Variants in WWOX observed in about 807,000 individuals in gnomAD.
The protein encoded by WWOX is WW domain containing oxidoreductase, also known as WW domain-containing oxidoreductase.
WWOX carries 69 observed loss-of-function variants against 46.2 expected under a neutral mutation model. The ratio of observed to expected loss-of-function variants is 1.49; its 90% CI spans 1.23 to 1.82. WWOX has a LOEUF of 1.82. Among genes scored for constraint, WWOX ranks in the 40% most tolerant of loss-of-function variants. The probability of loss-of-function intolerance (pLI) is 0.00; values close to 1 mark genes in which losing one functional copy is unlikely to be tolerated. For synonymous variants in WWOX, 359 were observed against 202.6 expected (o/e 1.77, Z -6.56); for missense variants, 919 against 542.6 (o/e 1.69, Z -6.89).
At chr16:78,408,156 A>C (rs932487684) in intron 6 of WWOX, among the ~76,000 whole-genome samples, 1 of 152,136 alleles carries the variant, frequency 6.6e-6, no homozygotes, top group African/African-American at 2.4e-5. Context: ...CTACAAGTTA[A>C]ATCCTCGGAC....
intron 4 of WWOX, among the ~76,000 whole-genome samples, chr16:78,162,903 C>T (rs2151734137): frequency 6.6e-6 from 1 of 152,052 alleles, no homozygotes; most frequent in South Asian, 2.1e-4. Flanking sequence ...ATGCTGAATT[C>T]TTCTTTACTC....
intron 8 of WWOX, among the ~76,000 whole-genome samples, chr16:78,690,059 C>T (rs2047950381): frequency 6.6e-6 from 1 of 152,058 alleles, no homozygotes; most frequent in Non-Finnish European, 1.5e-5. Flanking sequence ...TGCGGTTTCA[C>T]CATGTTGACC....
intron 8 of WWOX, among the ~76,000 whole-genome samples, chr16:78,615,914 C>T (rs2046012865): frequency 6.6e-6 from 1 of 152,014 alleles, no homozygotes; most frequent in Non-Finnish European, 1.5e-5. Flanking sequence ...CCACACTCAG[C>T]TAATTTTTTG....
At chr16:78,236,043 G>A (rs879418810) in intron 5 of WWOX, among the ~76,000 whole-genome samples, 1 of 152,170 alleles carries the variant, frequency 6.6e-6, no homozygotes, top group Non-Finnish European at 1.5e-5. Context: ...ATAAATGGAC[G>A]GATGTGTTCC....
At chr16:78,455,972 A>G (rs1360868153) in intron 8 of WWOX, among the ~76,000 whole-genome samples, 2 of 152,236 alleles carry the variant, frequency 1.3e-5, no homozygotes, top group African/African-American at 2.4e-5. Flanking sequence ...GGCAGTGGCT[A>G]TAGGCCAGGA....
intron 3 of WWOX, among the ~76,000 whole-genome samples, chr16:78,114,284 G>T (rs1274283141): frequency 6.6e-6 from 1 of 152,064 alleles, no homozygotes; most frequent in Non-Finnish European, 1.5e-5. Context: ...AGTGTTTGTA[G>T]AGATGAGGTC....
chr16:78,771,006 A>T (rs1030362268), intron 8 of WWOX, among the ~76,000 whole-genome samples: 6 of 152,200 alleles, frequency 3.9e-5, no homozygotes, highest in East Asian at 1.9e-4. Context: ...GAAGGAAGGG[A>T]TTGCTGGAGG....
intron 5 of WWOX, among the ~76,000 whole-genome samples, chr16:78,357,300 G>A (rs2081316341): frequency 1.3e-5 from 2 of 152,162 alleles, no homozygotes; most frequent in South Asian, 2.1e-4. Context: ...ACCTGACTTT[G>A]GGAATAGCAT....
intron 8 of WWOX, among the ~76,000 whole-genome samples, chr16:78,701,582 C>T (rs1035698323): frequency 6.6e-6 from 1 of 152,020 alleles, no homozygotes; most frequent in Non-Finnish European, 1.5e-5. Context: ...ATATACTCAA[C>T]ATATATCTCC....
At chr16:78,518,391 T>C (rs917351655) in intron 8 of WWOX, among the ~76,000 whole-genome samples, 2 of 152,032 alleles carry the variant, frequency 1.3e-5, no homozygotes, top group African/African-American at 4.8e-5. Flanking sequence ...GGCTAATTTT[T>C]GTATTTTATA....
chr16:78,996,569 A>T (rs2151356414), intron 8 of WWOX, among the ~76,000 whole-genome samples: 1 of 152,142 alleles, frequency 6.6e-6, no homozygotes, highest in East Asian at 1.9e-4. Context: ...AGAAGAGAAA[A>T]TTACAGTGAG....
intron 6 of WWOX, among the ~76,000 whole-genome samples, chr16:78,410,490 A>G (rs1391463173): frequency 6.6e-6 from 1 of 152,030 alleles, no homozygotes; most frequent in Non-Finnish European, 1.5e-5. Context: ...TTTCTGGCTC[A>G]GGGTCTTTCT....
chr16:78,150,724 T>A (rs1015322248), intron 4 of WWOX, among the ~76,000 whole-genome samples: 3 of 152,210 alleles, frequency 2.0e-5, no homozygotes, highest in Admixed American at 6.5e-5. Flanking sequence ...TAGGCATGAT[T>A]ACTTAAATCA....
chr16:78,856,706 A>C (rs1384960980), intron 8 of WWOX, among the ~76,000 whole-genome samples: 1 of 152,224 alleles, frequency 6.6e-6, no homozygotes, highest in Non-Finnish European at 1.5e-5. Flanking sequence ...ATAATTCAGT[A>C]CTTTAAAAAA....
At chr16:78,686,845 C>G (rs751092105) in intron 8 of WWOX, among the ~76,000 whole-genome samples, 1 of 152,182 alleles carries the variant, frequency 6.6e-6, no homozygotes, top group Non-Finnish European at 1.5e-5. Context: ...GTTTTCGAAA[C>G]TCACCCAGGA....
intron 8 of WWOX, among the ~76,000 whole-genome samples, chr16:78,956,258 G>C (rs944287591): frequency 6.6e-6 from 1 of 152,148 alleles, no homozygotes; most frequent in Admixed American, 6.5e-5. Context: ...CAATTCTGCT[G>C]CCTCAGCCTC....
At chr16:78,494,570 C>A (rs1597163220) in intron 8 of WWOX, among the ~76,000 whole-genome samples, 1 of 152,178 alleles carries the variant, frequency 6.6e-6, no homozygotes, top group Non-Finnish European at 1.5e-5. Context: ...AGGCAACATT[C>A]CAAAGATCTT....
intron 8 of WWOX, among the ~76,000 whole-genome samples, chr16:78,815,774 C>G (rs74031955): frequency 3.3e-5 from 5 of 152,344 alleles, no homozygotes; most frequent in African/African-American, 9.6e-5. Context: ...CAGTTGTACG[C>G]AGACCTCTCT....
intron 8 of WWOX, among the ~76,000 whole-genome samples, chr16:78,763,581 AT>A (rs2049847552): frequency 6.6e-6 from 1 of 152,152 alleles, no homozygotes; most frequent in Admixed American, 6.5e-5. Flanking sequence ...TTCTTAAGGT[AT>A]TTTTCACTGC....
Sources: allele counts gnomAD v4.1 joint callset (sites outside exome capture counted in the v4.1 genomes callset), GRCh38; gene constraint gnomAD v4.1.1; transcripts MANE v1.5; gene names NCBI Gene and HGNC (gene_info 2026-07-23, HGNC 2026-07-21).